Variants in MORF4L1 observed in about 807,000 individuals in gnomAD.
The protein encoded by MORF4L1 is mortality factor 4 like 1, also known as mortality factor 4-like protein 1.
In MORF4L1, 4 loss-of-function variants were observed where a neutral mutation model predicts 52.9. The observed-to-expected ratio is 0.08, with a 90% CI of 0.04 to 0.17. The LOEUF is 0.17. Ranked by LOEUF, MORF4L1 falls within the 10% of genes least tolerant of loss-of-function variation. The pLI is 1.00. For synonymous variants in MORF4L1, 123 were observed against 134.8 expected (o/e 0.91, Z 0.61); for missense variants, 214 against 390.4 (o/e 0.55, Z 3.81).
intron 3 of MORF4L1, among the ~76,000 whole-genome samples, chr15:78,884,498 G>A (rs772884710): frequency 3.3e-5 from 5 of 151,848 alleles, no homozygotes; most frequent in Non-Finnish European, 7.4e-5. Flanking sequence ...AATTAGCTGG[G>A]CGTGGTGGCG....
At chr15:78,876,285 A>G (rs1463260640) in intron 1 of MORF4L1, among the ~76,000 whole-genome samples, 1 of 151,866 alleles carries the variant, frequency 6.6e-6, no homozygotes, top group Non-Finnish European at 1.5e-5. Context: ...AAAAAAAACA[A>G]CTCGTAAACT....
Position 78,881,189 on chromosome 15 carries a change from C to CTTTTTTTTTTTTTTTTTTTTTTT in MORF4L1, c.155+629_155+630insTTTTTTTTTTTTTTTTTTTTTTT, listed in dbSNP as rs570514618. Among the ~76,000 whole-genome samples the CTTTTTTTTTTTTTTTTTTTTTTT allele has an allele frequency of 3.0e-5, 2 of 67,178 alleles. 1 individual carries two copies. Among genetic ancestry groups the CTTTTTTTTTTTTTTTTTTTTTTT allele is most frequent in the African/African-American group, 1.2e-4 (2 of 16,922 alleles). The allele number at this position is 67,178 out of a possible 152,430, so 44.1% of individuals were successfully genotyped here. A position where few individuals can be genotyped will look rare whatever the true frequency, so the allele number is the denominator to read the frequency against. ...AATTTCTCACCCCTAAGAGTTAAGCCTTTTTTTTTTTTTTTTTTTGAGAGA... is the reference window on the plus strand; with the variant it reads ...AATTTCTCACCCCTAAGAGTTAAGCCTTTTTTTTTTTTTTTTTTTTTTTTTTTTTTTTTTTTTTTTTTGAGAGA... On this transcript the variant is annotated intron_variant, in intron 3 of 11. Coordinates refer to ENST00000426013, the MANE Select transcript of MORF4L1 (RefSeq NM_006791.4).
rs77116415 is a variant in MORF4L1, at chr15:78,892,655, C to T, written c.540+342C>T. 7.4e-3 allele frequency: 1,288 copies of T among 174,832 alleles called. 20 individuals are homozygous for T. Among genetic ancestry groups the T allele is most frequent in the African/African-American group, 0.029 (1,244 of 42,262 alleles). The allele number at this position is 174,832 out of a possible 1,614,324, so 10.8% of individuals were successfully genotyped here. A position where few individuals can be genotyped will look rare whatever the true frequency, so the allele number is the denominator to read the frequency against. ...GTAGGCCATAGAAAGCACACACCAC[C>T]ACCTGCAAGGTATTCATGACCCTGA... On this transcript the variant is annotated intron_variant, in intron 8 of 11. Transcript: ENST00000426013.
intron 1 of MORF4L1, among the ~76,000 whole-genome samples, chr15:78,873,436 C>G (rs1272994501): frequency 1.3e-5 from 2 of 151,926 alleles, no homozygotes; most frequent in Admixed American, 6.6e-5. Flanking sequence ...GGGGCGGTGG[C>G]TGTTTCGGGC....
intron 7 of MORF4L1, 27 bp downstream of exon 7, chr15:78,891,599 G>C (rs1319422538): frequency 4.5e-6 from 7 of 1,544,414 alleles, no homozygotes; most frequent in Non-Finnish European, 6.3e-6. Context: ...TTTATGAATA[G>C]CATGTTAGGA....
In MORF4L1 at chr15:78,886,065, C is replaced by T. The variant is rs1030997118; in HGVS notation, c.156-76C>T. On this transcript the variant is annotated intron_variant, in intron 3 of 11. Coordinates refer to ENST00000426013, the MANE Select transcript of MORF4L1 (RefSeq NM_006791.4). ...TCAAATTACTTAAGAGAAATCCAGT[C>T]TTGCCTCTTGATCTCAGAAAATTAG... The T allele has an allele frequency of 5.6e-6, 6 of 1,062,246 alleles. No homozygotes were observed. The Admixed American group carries it at 1.1e-4, about 19-fold the overall frequency. The allele number at this position is 1,062,246 out of a possible 1,614,324, so 65.8% of individuals were successfully genotyped here.
intron 3 of MORF4L1, among the ~76,000 whole-genome samples, chr15:78,885,766 T>G (rs2056691803): frequency 6.6e-6 from 1 of 152,228 alleles, no homozygotes; most frequent in Non-Finnish European, 1.5e-5. Flanking sequence ...ACAGCTGGTT[T>G]TAATTTTTAA....
At chr15:78,885,138 A>G in intron 3 of MORF4L1, 1 of 1,351,970 alleles carries the variant, frequency 7.4e-7, no homozygotes. Context: ...ATTGCTTTTT[A>G]TTATTTTCCT....
chr15:78,894,642 C>G, intron 10 of MORF4L1, 178 bp from the exon 11 acceptor site: 6 of 570,954 alleles, frequency 1.1e-5, no homozygotes, highest in East Asian at 8.9e-5. Flanking sequence ...TACCTGACCT[C>G]AAGCGATCGC....
intron 11 of MORF4L1, among the ~76,000 whole-genome samples, chr15:78,895,641 A>G (rs2056874847): frequency 6.6e-6 from 1 of 152,238 alleles, no homozygotes; most frequent in African/African-American, 2.4e-5. Context: ...GTAGAGGAGT[A>G]TGGTGTAATT....
intron 10 of MORF4L1, 85 bp downstream of exon 10, chr15:78,894,315 A>T: frequency 9.5e-7 from 1 of 1,057,174 alleles, no homozygotes; most frequent in Non-Finnish European, 1.3e-6. Context: ...TTAACTTTCC[A>T]AAACATGACT....
intron 3 of MORF4L1, 71 bp downstream of exon 3, chr15:78,880,650 C>T (rs2056584792): frequency 8.6e-7 from 1 of 1,167,362 alleles, no homozygotes; most frequent in Admixed American, 2.3e-5. Context: ...GCTTAGCAAG[C>T]ATATGCTTTT....
At chr15:78,873,166 A>G in intron 1 of MORF4L1, 109 bp downstream of exon 1, 2 of 1,536,032 alleles carry the variant, frequency 1.3e-6, no homozygotes, top group Non-Finnish European at 8.8e-7. Context: ...CGCCCTGAGA[A>G]GGCGGCGGTC....
chr15:78,886,670 C>T (rs937689796), intron 4 of MORF4L1, among the ~76,000 whole-genome samples: 6 of 152,092 alleles, frequency 3.9e-5, no homozygotes, highest in Non-Finnish European at 4.4e-5. Flanking sequence ...AAAATTAAAA[C>T]GATGGCTGGG....
At position 78,892,420 on chromosome 15, in the gene MORF4L1, C is replaced by T. The variant is rs879105262; in HGVS notation, c.540+107C>T. On this transcript the variant is annotated intron_variant, in intron 8 of 11. Transcript: ENST00000426013. ...ATTGACTTGAATTATTAAGGTATGACTGATAAAATAATATTTTAATTTAGA... is the reference window on the plus strand; with the variant it reads ...ATTGACTTGAATTATTAAGGTATGATTGATAAAATAATATTTTAATTTAGA... 1.6e-5 allele frequency: 10 copies of T among 630,250 alleles called. No homozygotes were observed. The South Asian group carries it at 1.9e-4, about 12-fold the overall frequency. 39.0% of individuals were successfully genotyped at this position (630,250 alleles called of 1,614,324 possible).
At chr15:78,877,996 T>C (rs2056528333) in intron 1 of MORF4L1, 2 of 447,642 alleles carry the variant, frequency 4.5e-6, no homozygotes, top group Non-Finnish European at 7.9e-6. Context: ...TAGATTGACC[T>C]GCTAATGAAT....
intron 4 of MORF4L1, chr15:78,886,513 C>T (rs962490003): frequency 1.7e-5 from 5 of 298,810 alleles, no homozygotes; most frequent in Admixed American, 4.5e-5. Context: ...TCTTTATTTT[C>T]GGGGGCTCTG....
intron 3 of MORF4L1, chr15:78,884,925 C>T (rs764523955): frequency 1.5e-5 from 22 of 1,428,800 alleles, no homozygotes; most frequent in Non-Finnish European, 1.9e-5. Context: ...CAATTCTGCA[C>T]CTGGTCACTG....
Position 78,894,042 on chromosome 15 carries a change from T to A in MORF4L1, c.630-16T>A, listed in dbSNP as rs1198923901. On this transcript the variant is annotated splice_polypyrimidine_tract_variant and intron_variant, in intron 9 of 11. Coordinates refer to ENST00000426013, the MANE Select transcript of MORF4L1 (RefSeq NM_006791.4). The stretch of plus-strand genomic sequence containing the variant: ...TTTTATTGACCAGTTTTGGAATATT[T>A]TTGTTCATTTATCAGGGAGTATGCG... The A allele has an allele frequency of 6.2e-7, 1 of 1,602,720 alleles. No homozygotes were observed. Among genetic ancestry groups the A allele is most frequent in the East Asian group, 2.2e-5 (1 of 44,580 alleles).
Sources: allele counts gnomAD v4.1 joint callset (sites outside exome capture counted in the v4.1 genomes callset), GRCh38; gene constraint gnomAD v4.1.1; transcripts MANE v1.5; gene names NCBI Gene and HGNC (gene_info 2026-07-23, HGNC 2026-07-21).